The following LRTM1 variants were observed in gnomAD, a reference collection of about 807,000 sequenced individuals.
LRTM1 encodes the protein leucine-rich repeat and transmembrane domain-containing protein 1.
In LRTM1, 38 loss-of-function variants were observed where a neutral mutation model predicts 32.4. The observed-to-expected ratio is 1.17, with a 90% CI of 0.91 to 1.54. The LOEUF (loss-of-function observed/expected upper bound fraction) is 1.54. Ranked by LOEUF, LRTM1 falls within the 40% of genes most tolerant of loss-of-function variation. The pLI is 0.00. For missense variants in LRTM1, 466 were observed against 415.4 expected (o/e 1.12, Z -1.06); for synonymous variants, 186 against 169.9 (o/e 1.09, Z -0.74).
intron 2 of LRTM1, 35 bp from the exon 3 acceptor site, chr3:54,918,927 C>G (rs1444283601): frequency 3.3e-6 from 5 of 1,496,300 alleles, no homozygotes; most frequent in Non-Finnish European, 4.5e-6. Flanking sequence ...AATAACAAAG[C>G]CTTGATACAA....
At chr3:54,956,850 A>G (rs1477558115) in intron 1 of LRTM1, among the ~76,000 whole-genome samples, 2 of 152,082 alleles carry the variant, frequency 1.3e-5, no homozygotes, top group African/African-American at 2.4e-5. Context: ...TTTATCTGAC[A>G]GAAAAGAACA....
upstream of LRTM1, among the ~76,000 whole-genome samples, chr3:54,933,043 CCATCCCTCCCTTCCTTCCTTCCTT>C (rs1339685952): frequency 1.4e-5 from 2 of 139,456 alleles, no homozygotes; most frequent in African/African-American, 6.6e-5. Context: ...TTCCATCCAT[CCATCCCTCCCTTCCTTCCTTCCTT>C]CCTTCCTTCC....
chr3:54,954,572 C>G (rs1701834821), intron 1 of LRTM1, among the ~76,000 whole-genome samples: 1 of 152,156 alleles, frequency 6.6e-6, no homozygotes, highest in Non-Finnish European at 1.5e-5. Context: ...CTTTCCAGTC[C>G]AAATCATCTT....
rs1700712288 is a variant in LRTM1, at chr3:54,918,271, T to C, written c.*188A>G. The C allele has an allele frequency of 1.8e-5, 11 of 623,252 alleles. No individual in the cohort carries two copies. Among genetic ancestry groups the C allele is most frequent in the Non-Finnish European group, 2.7e-5 (10 of 367,412 alleles). 38.6% of individuals were successfully genotyped at this position (623,252 alleles called of 1,614,324 possible). A position where few individuals can be genotyped will look rare whatever the true frequency, so the allele number is the denominator to read the frequency against. On this transcript the variant is annotated 3_prime_UTR_variant, in exon 3 of 3. Transcript: ENST00000273286. ...CATCTTTATTTTACCTATAGTATTT[T>C]AAAAATCGCAACATAAATTCCTCCC...
chr3:54,944,718 G>A (rs1339352685), intron 1 of LRTM1, among the ~76,000 whole-genome samples: 1 of 152,182 alleles, frequency 6.6e-6, no homozygotes, highest in Non-Finnish European at 1.5e-5. Context: ...ACCGCGCCCA[G>A]CCTCCAAGAG....
intron 1 of LRTM1, among the ~76,000 whole-genome samples, chr3:54,945,527 T>A (rs1701590397): frequency 6.6e-6 from 1 of 152,210 alleles, no homozygotes; most frequent in African/African-American, 2.4e-5. Flanking sequence ...ATACAGACTT[T>A]GAGGAGGCCT....
chr3:54,945,277 G>A (rs2106998152), intron 1 of LRTM1, among the ~76,000 whole-genome samples: 1 of 152,284 alleles, frequency 6.6e-6, no homozygotes, highest in East Asian at 1.9e-4. Flanking sequence ...TGCTAGTATT[G>A]TGCCCTCCAG....
upstream of LRTM1, among the ~76,000 whole-genome samples, chr3:54,928,449 A>G (rs561800361): frequency 9.2e-4 from 140 of 152,290 alleles, no homozygotes; most frequent in African/African-American, 3.3e-3. Context: ...CTGGGGGTCG[A>G]GCAGCAGAGC....
At chr3:54,954,426 G>A (rs1409984330) in intron 1 of LRTM1, among the ~76,000 whole-genome samples, 3 of 152,246 alleles carry the variant, frequency 2.0e-5, no homozygotes, top group Non-Finnish European at 4.4e-5. Context: ...ACTGTGTGGA[G>A]CAGAATACTC....
At chr3:54,939,015 A>C (rs1233150304) in intron 1 of LRTM1, among the ~76,000 whole-genome samples, 1 of 152,208 alleles carries the variant, frequency 6.6e-6, no homozygotes, top group Non-Finnish European at 1.5e-5. Context: ...AACTGGGACC[A>C]AGAGGAAACT....
chr3:54,933,045 A>ATCCC (rs1395976715), upstream of LRTM1, among the ~76,000 whole-genome samples: 5 of 137,258 alleles, frequency 3.6e-5, no homozygotes, highest in African/African-American at 1.0e-4. Flanking sequence ...CCATCCATCC[A>ATCCC]TCCCTCCCTT....
intron 1 of LRTM1, among the ~76,000 whole-genome samples, chr3:54,946,284 C>T (rs1454461263): frequency 1.3e-5 from 2 of 152,118 alleles, no homozygotes; most frequent in African/African-American, 2.4e-5. Context: ...GTTGAGTGCC[C>T]CCTCTTATAC....
intron 1 of LRTM1, among the ~76,000 whole-genome samples, chr3:54,934,458 AG>A (rs1239902673): frequency 6.6e-6 from 1 of 152,162 alleles, no homozygotes; most frequent in Non-Finnish European, 1.5e-5. Flanking sequence ...AGGAATGCCT[AG>A]GATTATTCCG....
At chr3:54,952,578 G>A (rs1701785516) in intron 1 of LRTM1, among the ~76,000 whole-genome samples, 1 of 152,176 alleles carries the variant, frequency 6.6e-6, no homozygotes, top group Admixed American at 6.5e-5. Flanking sequence ...GTCATTAAAT[G>A]CATATTTTTT....
chr3:54,922,169 A>G (rs1361309835), intron 2 of LRTM1, among the ~76,000 whole-genome samples: 2 of 151,998 alleles, frequency 1.3e-5, no homozygotes, highest in Non-Finnish European at 2.9e-5. Context: ...GGCCGTAGGA[A>G]CTCCCTGACT....
Position 54,934,347 on chromosome 3 carries a change from A to G in LRTM1, c.-221-9132T>C, listed in dbSNP as rs548276309. Among the ~76,000 whole-genome samples the G allele has an allele frequency of 9.8e-5, 15 of 152,304 alleles. No individual in the cohort carries two copies. In the South Asian group the frequency reaches 3.1e-3, roughly 32 times the overall value. On this transcript the variant is annotated intron_variant, in intron 1 of 2. Coordinates refer to the LRTM1 transcript ENST00000493075. Reference sequence around the variant, plus strand: ...TCCCTCTTGAGCCGTTCAGTGGAGAACCAAGGCTGCCATACGTTTTCTCTA... The same window carrying G: ...TCCCTCTTGAGCCGTTCAGTGGAGAGCCAAGGCTGCCATACGTTTTCTCTA...
chr3:54,923,563 C>T (rs1385440672), intron 2 of LRTM1, among the ~76,000 whole-genome samples: 1 of 152,184 alleles, frequency 6.6e-6, no homozygotes, highest in Non-Finnish European at 1.5e-5. Context: ...TATTTATCAT[C>T]TTATTTAACA....
In LRTM1 at chr3:54,953,154, T is replaced by A. The variant is rs557243945; in HGVS notation, c.-222+13774A>T. On this transcript the variant is annotated intron_variant, in intron 1 of 2. Coordinates refer to the LRTM1 transcript ENST00000493075. ...TGACATTTACTGAATATTTACTATG[T>A]GCCTGGCACTGTGCTAGGCTCATGA... 4.6e-5 allele frequency among the ~76,000 whole-genome samples: 7 copies of A among 152,336 alleles called. No individual in the cohort carries two copies. The East Asian group carries it at 1.4e-3, about 29-fold the overall frequency.
intron 2 of LRTM1, among the ~76,000 whole-genome samples, chr3:54,923,512 A>C (rs1700913317): frequency 6.6e-6 from 1 of 152,090 alleles, no homozygotes; most frequent in African/African-American, 2.4e-5. Context: ...CCCCTGCCTC[A>C]TTGTTTCTTA....
Sources: gnomAD v4.1 joint callset for allele counts (sites outside exome capture counted in the v4.1 genomes callset) on GRCh38, gnomAD v4.1.1 for gene constraint, MANE v1.5 for transcripts, NCBI Gene and HGNC (gene_info 2026-07-23, HGNC 2026-07-21) for gene names.